CCDC178: variants seen among roughly 807,000 people sequenced by gnomAD.
The protein encoded by CCDC178 is coiled-coil domain containing 178.
A neutral mutation model predicts 117.4 loss-of-function variants in CCDC178; 126 were observed. That is an observed-to-expected ratio of 1.07 (90% CI 0.93 to 1.24). CCDC178 has a LOEUF of 1.24. Among genes scored for constraint, CCDC178 ranks in the 50% most tolerant of loss-of-function variants. The probability of loss-of-function intolerance (pLI) is 0.00; values close to 1 mark genes in which losing one functional copy is unlikely to be tolerated. For missense variants in CCDC178, 1,030 were observed against 986.9 expected (o/e 1.04, Z -0.59); for synonymous variants, 283 against 313.4 (o/e 0.90, Z 1.02).
At chr18:33,226,656 T>G in intron 16 of CCDC178, 137 bp downstream of exon 16, 1 of 509,332 alleles carries the variant, frequency 2.0e-6, no homozygotes, top group Non-Finnish European at 3.5e-6. Context: ...AGAGGGCAAC[T>G]GCCATCAGCT....
intron 20 of CCDC178, among the ~76,000 whole-genome samples, chr18:33,202,795 A>T (rs2059007672): frequency 6.6e-6 from 1 of 152,180 alleles, no homozygotes; most frequent in African/African-American, 2.4e-5. Flanking sequence ...CCTGCAAATT[A>T]AGTGTAAACT....
chr18:33,215,530 G>T lies in CCDC178; in HGVS notation c.2078+20C>A. 3.4e-6 allele frequency: 4 copies of T among 1,175,970 alleles called. No homozygotes were observed. The South Asian group carries it at 5.5e-5, about 16-fold the overall frequency. 72.8% of individuals were successfully genotyped at this position (1,175,970 alleles called of 1,614,324 possible). ...ATATTTTTTAAAAACTTCATATTTT[G>T]ATAAAGTTTAAGTACTTACTTTAAT... is the stretch of plus-strand genomic sequence containing the variant. On this transcript the variant is annotated intron_variant, in intron 19 of 22. Coordinates refer to ENST00000383096, the MANE Select transcript of CCDC178 (RefSeq NM_001105528.4).
At chr18:33,397,067 T>C in intron 4 of CCDC178, 82 bp downstream of exon 4, 1 of 880,306 alleles carries the variant, frequency 1.1e-6, no homozygotes, top group South Asian at 1.6e-5. Flanking sequence ...CTGAAATTAT[T>C]TTCATGCTTA....
intron 12 of CCDC178, among the ~76,000 whole-genome samples, chr18:33,268,194 C>G (rs185285515): frequency 2.6e-5 from 4 of 151,576 alleles, no homozygotes; most frequent in African/African-American, 9.7e-5. Context: ...CAAAAGGTAT[C>G]TGAAAAATAA....
At chr18:33,174,191 C>T (rs1348843575) in intron 20 of CCDC178, among the ~76,000 whole-genome samples, 2 of 151,898 alleles carry the variant, frequency 1.3e-5, no homozygotes, top group Non-Finnish European at 2.9e-5. Flanking sequence ...GCAGGAGGTA[C>T]TTTTAAACGA....
chr18:32,987,383 T>G (rs1338781833), intron 21 of CCDC178, among the ~76,000 whole-genome samples: 1 of 152,022 alleles, frequency 6.6e-6, no homozygotes, highest in Admixed American at 6.6e-5. Context: ...ATAGTGTTCT[T>G]AGATAGAGAT....
chr18:33,014,589 A>G (rs370134392), intron 21 of CCDC178, among the ~76,000 whole-genome samples: 34 of 152,330 alleles, frequency 2.2e-4, no homozygotes, highest in African/African-American at 8.2e-4. Flanking sequence ...GGACCTGTAT[A>G]AGCAGGAAGT....
At chr18:33,140,123 C>G (rs2058182142) in intron 20 of CCDC178, among the ~76,000 whole-genome samples, 1 of 152,138 alleles carries the variant, frequency 6.6e-6, no homozygotes, top group African/African-American at 2.4e-5. Context: ...GTTTGGGAAC[C>G]TCTGCCTAGA....
intron 20 of CCDC178, among the ~76,000 whole-genome samples, chr18:33,174,484 T>G (rs2058640221): frequency 6.6e-6 from 1 of 152,204 alleles, no homozygotes; most frequent in Non-Finnish European, 1.5e-5. Flanking sequence ...TTATAGAAGC[T>G]TCCCAAGGAC....
At chr18:33,134,107 A>G (rs189667195) in intron 20 of CCDC178, among the ~76,000 whole-genome samples, 7 of 152,104 alleles carry the variant, frequency 4.6e-5, no homozygotes, top group Admixed American at 4.6e-4. Context: ...CATAGATCAA[A>G]GTTTGCACCT....
chr18:33,220,702 C>A (rs2059222169), intron 18 of CCDC178, among the ~76,000 whole-genome samples: 1 of 152,058 alleles, frequency 6.6e-6, no homozygotes, highest in East Asian at 1.9e-4. Context: ...TTGAAATCAA[C>A]ATTAATAAAT....
chr18:33,275,225 A>G (rs1027617082), intron 12 of CCDC178, among the ~76,000 whole-genome samples: 1 of 152,054 alleles, frequency 6.6e-6, no homozygotes, highest in African/African-American at 2.4e-5. Flanking sequence ...AAAATGAGAG[A>G]AATCATACAT....
intron 21 of CCDC178, among the ~76,000 whole-genome samples, chr18:32,981,352 A>G (rs539489058): frequency 3.3e-5 from 5 of 152,306 alleles, no homozygotes; most frequent in South Asian, 4.1e-4. Context: ...GAAGGAGGGG[A>G]ATAATAATAG....
intron 20 of CCDC178, among the ~76,000 whole-genome samples, chr18:33,165,978 G>A (rs1488183457): frequency 6.6e-6 from 1 of 152,168 alleles, no homozygotes; most frequent in Non-Finnish European, 1.5e-5. Context: ...CACCATACAA[G>A]TGCCTGGCAG....
chr18:33,302,254 G>A (rs2062186184), intron 11 of CCDC178, among the ~76,000 whole-genome samples: 1 of 152,102 alleles, frequency 6.6e-6, no homozygotes, highest in Non-Finnish European at 1.5e-5. Context: ...TTTCTACCAT[G>A]TTTGTACAGT....
At chr18:32,951,459 G>C (rs955856864) in intron 22 of CCDC178, among the ~76,000 whole-genome samples, 1 of 152,122 alleles carries the variant, frequency 6.6e-6, no homozygotes, top group African/African-American at 2.4e-5. Flanking sequence ...CAAATGAAGG[G>C]GGAAGCCCCT....
chr18:33,173,409 A>C (rs1444819088), intron 20 of CCDC178, among the ~76,000 whole-genome samples: 1 of 152,106 alleles, frequency 6.6e-6, no homozygotes, highest in Admixed American at 6.6e-5. Context: ...AGCATGTAGG[A>C]TTTTTATGAG....
intron 20 of CCDC178, among the ~76,000 whole-genome samples, chr18:33,162,763 C>G (rs994769915): frequency 1.3e-5 from 2 of 152,052 alleles, no homozygotes; most frequent in Non-Finnish European, 2.9e-5. Context: ...AGACATGATG[C>G]CATTCTTTTT....
At chr18:33,435,890 A>C (rs1357956573) in intron 2 of CCDC178, among the ~76,000 whole-genome samples, 1 of 152,032 alleles carries the variant, frequency 6.6e-6, no homozygotes, top group Non-Finnish European at 1.5e-5. Context: ...ACTATCTGAA[A>C]TCAGATCTAC....
Sources: gnomAD v4.1 joint callset for allele counts (sites outside exome capture counted in the v4.1 genomes callset) on GRCh38, gnomAD v4.1.1 for gene constraint, MANE v1.5 for transcripts, NCBI Gene and HGNC (gene_info 2026-07-23, HGNC 2026-07-21) for gene names.